CNTNAP2: variants seen among roughly 807,000 people sequenced by gnomAD.
CNTNAP2 encodes the protein contactin-associated protein-like 2.
CNTNAP2 carries 98 observed loss-of-function variants against 155.2 expected under a neutral mutation model. The ratio of observed to expected loss-of-function variants is 0.63; its 90% confidence interval spans 0.54 to 0.75. The LOEUF (loss-of-function observed/expected upper bound fraction) is 0.75, where lower values mean the gene tolerates loss of function less well. CNTNAP2 is among the 30% of genes least tolerant of loss of function. The probability of loss-of-function intolerance (pLI) is 0.00; values close to 1 mark genes in which losing one functional copy is unlikely to be tolerated. For synonymous variants in CNTNAP2, 651 were observed against 631.2 expected, an observed-to-expected ratio of 1.03 and a Z score of -0.47; for missense variants, 1,727 against 1,688.1, an observed-to-expected ratio of 1.02 and a Z score of -0.40.
At chr7:146,905,914 A>G (rs1487404755) in intron 3 of CNTNAP2, among the ~76,000 whole-genome samples, 1 of 152,204 alleles carries the variant, frequency 6.6e-6, no homozygotes, top group Non-Finnish European at 1.5e-5. Context: ...GGAGTGCCAG[A>G]CAGTGGGCGC....
At chr7:147,811,809 C>G (rs1798184087) in intron 13 of CNTNAP2, among the ~76,000 whole-genome samples, 1 of 152,060 alleles carries the variant, frequency 6.6e-6, no homozygotes, top group South Asian at 2.1e-4. Context: ...ATTCTTGATT[C>G]TTTTTCTCAT....
chr7:146,626,599 T>G (rs944020837), intron 1 of CNTNAP2, among the ~76,000 whole-genome samples: 1 of 152,140 alleles, frequency 6.6e-6, no homozygotes. Flanking sequence ...CAGAATATCA[T>G]TGATAATGGA....
intron 1 of CNTNAP2, among the ~76,000 whole-genome samples, chr7:146,711,790 CATATAT>C (rs1801081176): frequency 8.2e-6 from 1 of 122,378 alleles, no homozygotes; most frequent in Non-Finnish European, 1.8e-5. Flanking sequence ...CTTATGTATA[CATATAT>C]AGTATACACA....
At chr7:148,303,785 G>A (rs1797437745) in intron 21 of CNTNAP2, among the ~76,000 whole-genome samples, 1 of 152,178 alleles carries the variant, frequency 6.6e-6, no homozygotes, top group South Asian at 2.1e-4. Flanking sequence ...CAAAGCCCAA[G>A]TCTAAATTGG....
intron 3 of CNTNAP2, among the ~76,000 whole-genome samples, chr7:146,903,798 C>T (rs376845797): frequency 4.3e-4 from 65 of 152,244 alleles, no homozygotes; most frequent in Middle Eastern, 3.4e-3. Context: ...TGGCTGATCT[C>T]TTGCCCCGCA....
intron 14 of CNTNAP2, among the ~76,000 whole-genome samples, chr7:147,950,951 T>C (rs1227512754): frequency 1.3e-5 from 2 of 152,252 alleles, no homozygotes; most frequent in Non-Finnish European, 2.9e-5. Context: ...CCAAGCCTCT[T>C]TGTCTTGCCA....
intron 21 of CNTNAP2, among the ~76,000 whole-genome samples, chr7:148,296,625 A>T (rs1797291814): frequency 6.6e-6 from 1 of 151,380 alleles, no homozygotes; most frequent in African/African-American, 2.4e-5. Flanking sequence ...AGGTGATGTG[A>T]GAAAGCAGGT....
intron 21 of CNTNAP2, among the ~76,000 whole-genome samples, chr7:148,331,931 C>A (rs1341202394): frequency 2.0e-5 from 3 of 152,122 alleles, no homozygotes; most frequent in African/African-American, 7.2e-5. Flanking sequence ...GAGCTGCCTG[C>A]CTGCCTCACG....
chr7:147,703,853 C>T (rs527879816), intron 13 of CNTNAP2, among the ~76,000 whole-genome samples: 4 of 152,256 alleles, frequency 2.6e-5, no homozygotes, highest in East Asian at 1.9e-4. Context: ...CTTCGTCTCG[C>T]TCCCCCATGC....
At chr7:148,073,849 G>A (rs866960777) in intron 15 of CNTNAP2, among the ~76,000 whole-genome samples, 3 of 151,880 alleles carry the variant, frequency 2.0e-5, no homozygotes, top group East Asian at 1.9e-4. Context: ...CACAAATATA[G>A]TATTCACAAG....
chr7:146,814,195 A>G (rs2129194513), intron 2 of CNTNAP2, among the ~76,000 whole-genome samples: 1 of 152,262 alleles, frequency 6.6e-6, no homozygotes, highest in South Asian at 2.1e-4. Context: ...AATGAGACTG[A>G]TGGTCTCTTG....
intron 1 of CNTNAP2, among the ~76,000 whole-genome samples, chr7:146,363,541 C>A (rs1174514973): frequency 2.6e-5 from 4 of 152,008 alleles, no homozygotes; most frequent in Non-Finnish European, 4.4e-5. Flanking sequence ...AATTAGTAAC[C>A]CAGTAATAAG....
chr7:147,787,034 A>T (rs71530794), intron 13 of CNTNAP2, among the ~76,000 whole-genome samples: 1 of 152,064 alleles, frequency 6.6e-6, no homozygotes, highest in African/African-American at 2.4e-5. Context: ...AGAAGACAAG[A>T]CAAGACAAGA....
At chr7:148,101,617 C>T (rs1342177951) in intron 15 of CNTNAP2, among the ~76,000 whole-genome samples, 1 of 152,132 alleles carries the variant, frequency 6.6e-6, no homozygotes, top group Non-Finnish European at 1.5e-5. Flanking sequence ...CCATTCAGTG[C>T]TTTGTTTGTG....
intron 13 of CNTNAP2, among the ~76,000 whole-genome samples, chr7:147,812,064 T>C (rs758730879): frequency 2.2e-4 from 33 of 152,246 alleles, no homozygotes; most frequent in Middle Eastern, 3.4e-3. Context: ...TAATTTTAAA[T>C]AGAGTTGTGG....
intron 9 of CNTNAP2, among the ~76,000 whole-genome samples, chr7:147,368,157 T>C (rs909961573): frequency 2.7e-5 from 4 of 147,902 alleles, no homozygotes; most frequent in Non-Finnish European, 4.5e-5. Context: ...GTGAGAAGTA[T>C]CATGCCAGAA....
At chr7:147,783,553 C>A (rs1207007575) in intron 13 of CNTNAP2, among the ~76,000 whole-genome samples, 1 of 152,172 alleles carries the variant, frequency 6.6e-6, no homozygotes, top group Non-Finnish European at 1.5e-5. Flanking sequence ...TGTCACCTCA[C>A]AGTTCTGGAG....
intron 11 of CNTNAP2, among the ~76,000 whole-genome samples, chr7:147,553,250 C>A (rs1468852818): frequency 6.6e-6 from 1 of 152,048 alleles, no homozygotes; most frequent in East Asian, 1.9e-4. Flanking sequence ...ATCGCAGAGA[C>A]CAGTGCAGAT....
chr7:146,366,395 A>G (rs1156950341), intron 1 of CNTNAP2, among the ~76,000 whole-genome samples: 1 of 152,172 alleles, frequency 6.6e-6, no homozygotes, highest in Non-Finnish European at 1.5e-5. Context: ...TTTAATAAGT[A>G]TACGTTATTA....
Sources: allele counts gnomAD v4.1 joint callset (sites outside exome capture counted in the v4.1 genomes callset), GRCh38; gene constraint gnomAD v4.1.1; transcripts MANE v1.5; gene names NCBI Gene and HGNC (gene_info 2026-07-23, HGNC 2026-07-21).